Variants in SMYD3 observed in about 807,000 individuals in gnomAD.
SMYD3 encodes the protein SET and MYND domain containing 3, also known as histone-lysine N-methyltransferase SMYD3.
Under a neutral mutation model 57.7 loss-of-function variants are expected in SMYD3, and 36 were observed. The ratio of observed to expected loss-of-function variants is 0.62; its 90% CI spans 0.48 to 0.82. SMYD3 has a LOEUF of 0.82. Ranked by LOEUF, SMYD3 falls within the 40% of genes least tolerant of loss-of-function variation. SMYD3 has a pLI of 0.00. For missense variants in SMYD3, 515 were observed against 538.8 expected (o/e 0.96, Z 0.44); for synonymous variants, 211 against 195.0 (o/e 1.08, Z -0.68).
At chr1:246,143,956 C>A (rs770568499) in intron 5 of SMYD3, among the ~76,000 whole-genome samples, 6 of 152,208 alleles carry the variant, frequency 3.9e-5, no homozygotes, top group Non-Finnish European at 8.8e-5. Flanking sequence ...CTCGTTTCCT[C>A]ACACAACAGC....
At chr1:246,345,652 A>T (rs1390803714) in intron 2 of SMYD3, among the ~76,000 whole-genome samples, 2 of 152,156 alleles carry the variant, frequency 1.3e-5, no homozygotes, top group Non-Finnish European at 2.9e-5. Context: ...TGATGTGTTG[A>T]CATTTTAAAA....
intron 10 of SMYD3, among the ~76,000 whole-genome samples, chr1:245,775,199 C>T (rs1260754058): frequency 6.6e-6 from 1 of 152,156 alleles, no homozygotes; most frequent in Non-Finnish European, 1.5e-5. Flanking sequence ...CCCGGCCAGC[C>T]GCCCTGTCCG....
intron 1 of SMYD3, among the ~76,000 whole-genome samples, chr1:246,462,012 C>T: frequency 6.6e-6 from 1 of 152,114 alleles, no homozygotes; most frequent in East Asian, 1.9e-4. Context: ...AGTACCTAAT[C>T]CAGGCTAGTG....
chr1:246,409,082 T>C (rs1348739218), intron 1 of SMYD3, among the ~76,000 whole-genome samples: 2 of 152,208 alleles, frequency 1.3e-5, no homozygotes, highest in East Asian at 1.9e-4. Flanking sequence ...ATTAGCCCTT[T>C]GTCAGATGAG....
At chr1:246,478,321 ACT>A (rs2068054311) in intron 1 of SMYD3, among the ~76,000 whole-genome samples, 1 of 152,270 alleles carries the variant, frequency 6.6e-6, no homozygotes, top group Non-Finnish European at 1.5e-5. Context: ...GTGAGAAAGC[ACT>A]GGTCTATGCA....
chr1:246,440,037 A>G (rs2103018319), intron 1 of SMYD3, among the ~76,000 whole-genome samples: 2 of 152,298 alleles, frequency 1.3e-5, no homozygotes, highest in Middle Eastern at 3.4e-3. Context: ...GTTTATATCC[A>G]TTAGCCTGTG....
intron 5 of SMYD3, among the ~76,000 whole-genome samples, chr1:246,042,166 A>G (rs2059889838): frequency 6.6e-6 from 1 of 152,202 alleles, no homozygotes; most frequent in Non-Finnish European, 1.5e-5. Flanking sequence ...CTACAAAGAA[A>G]AGCTAATATT....
At chr1:245,829,684 G>A (rs6605241) in intron 10 of SMYD3, among the ~76,000 whole-genome samples, 80,946 of 151,958 alleles carry the variant, frequency 0.53, 25,664 homozygotes, top group Non-Finnish European at 0.73. Flanking sequence ...ATAAAAACTT[G>A]TGCACACATG....
chr1:246,122,850 C>T (rs759913019), intron 5 of SMYD3, among the ~76,000 whole-genome samples: 6 of 152,130 alleles, frequency 3.9e-5, no homozygotes, highest in Admixed American at 1.3e-4. Flanking sequence ...CAATGAAGGG[C>T]GTAGCCATGA....
intron 7 of SMYD3, among the ~76,000 whole-genome samples, chr1:245,920,748 C>T (rs976059702): frequency 1.3e-5 from 2 of 152,094 alleles, no homozygotes; most frequent in Admixed American, 1.3e-4. Flanking sequence ...GGCTGGCTAG[C>T]CATATGCAGA....
At chr1:246,482,015 A>G (rs1303334061) in intron 1 of SMYD3, among the ~76,000 whole-genome samples, 3 of 151,822 alleles carry the variant, frequency 2.0e-5, no homozygotes, top group African/African-American at 7.3e-5. Flanking sequence ...AAAATTAGCC[A>G]GGAATGGTGG....
intron 10 of SMYD3, among the ~76,000 whole-genome samples, chr1:245,798,268 C>A (rs1293981667): frequency 6.6e-6 from 1 of 151,594 alleles, no homozygotes; most frequent in Non-Finnish European, 1.5e-5. Flanking sequence ...CCCTGAGCCC[C>A]TTCCCTACCC....
At position 245,956,974 on chromosome 1, in the gene SMYD3, T is replaced by G. The variant is rs995132964; in HGVS notation, c.532-27037A>C. On this transcript the variant is annotated intron_variant, in intron 5 of 11. Transcript: ENST00000490107. Reference sequence around the variant, plus strand: ...GAAAACTGATCACCATCTCAACATCTTATTAAACTAATTCTCATTTTGCTA... The same window carrying G: ...GAAAACTGATCACCATCTCAACATCGTATTAAACTAATTCTCATTTTGCTA... 3.3e-5 allele frequency among the ~76,000 whole-genome samples: 5 copies of G among 152,212 alleles called. No homozygotes were observed. The East Asian group carries it at 9.6e-4, about 29-fold the overall frequency.
At chr1:245,885,849 A>G (rs747741021) in intron 8 of SMYD3, among the ~76,000 whole-genome samples, 1 of 152,340 alleles carries the variant, frequency 6.6e-6, no homozygotes, top group Non-Finnish European at 1.5e-5. Context: ...GTAGTTGTAA[A>G]AAGTAGATAT....
rs571739212 is a variant in SMYD3, at chr1:246,351,085, T to G, written c.228+3946A>C. Among the ~76,000 whole-genome samples, 130 of 152,344 alleles carry G rather than the reference T, an allele frequency of 8.5e-4. 2 individuals are homozygous for G. Among genetic ancestry groups the G allele is most frequent in the African/African-American group, 3.1e-3 (127 of 41,588 alleles). Reference sequence around the variant, plus strand: ...CTGTTAAGTGCTTACTAATGTGGGATTAATTTTCTACCCATCGAATATGAA... The same window carrying G: ...CTGTTAAGTGCTTACTAATGTGGGAGTAATTTTCTACCCATCGAATATGAA... On this transcript the variant is annotated intron_variant, in intron 2 of 11. Coordinates refer to ENST00000490107, the MANE Select transcript of SMYD3 (RefSeq NM_001167740.2).
At chr1:245,793,110 C>A (rs1429350770) in intron 10 of SMYD3, among the ~76,000 whole-genome samples, 2 of 130,954 alleles carry the variant, frequency 1.5e-5, no homozygotes, top group Non-Finnish European at 3.4e-5. Context: ...GAGATCAAGA[C>A]CATCCTGGCT....
chr1:245,924,515 C>CA lies in SMYD3; in HGVS notation c.702+3415dup, dbSNP rs532552110. Among the ~76,000 whole-genome samples, 279 of 152,306 alleles carry CA rather than the reference C, an allele frequency of 1.8e-3. 3 individuals are homozygous for CA. Among genetic ancestry groups the CA allele is most frequent in the African/African-American group, 6.3e-3 (263 of 41,558 alleles). ...TTATCACAGACCTTGTGCAATTTTC[C>CA]AGCTCTCCTTGTGTGAGGTTTGAAA... On this transcript the variant is annotated intron_variant, in intron 7 of 11. Coordinates refer to ENST00000490107, the MANE Select transcript of SMYD3 (RefSeq NM_001167740.2).
chr1:246,471,233 C>T (rs2067958326), intron 1 of SMYD3, among the ~76,000 whole-genome samples: 1 of 152,082 alleles, frequency 6.6e-6, no homozygotes, highest in African/African-American at 2.4e-5. Flanking sequence ...TGGGGTCTTG[C>T]TGTCCCCCAG....
intron 8 of SMYD3, among the ~76,000 whole-genome samples, chr1:245,872,123 G>A (rs938528107): frequency 1.3e-5 from 2 of 151,758 alleles, no homozygotes; most frequent in African/African-American, 4.8e-5. Flanking sequence ...CTACTGCCTG[G>A]CGGCAATGAG....
Sources: gnomAD v4.1 joint callset for allele counts (sites outside exome capture counted in the v4.1 genomes callset) on GRCh38, gnomAD v4.1.1 for gene constraint, MANE v1.5 for transcripts, NCBI Gene and HGNC (gene_info 2026-07-23, HGNC 2026-07-21) for gene names.